MYH11: variants seen among roughly 807,000 people sequenced by gnomAD.
MYH11 encodes myosin-11.
MYH11 carries 80 observed loss-of-function variants against 246.6 expected under a neutral mutation model. The ratio of observed to expected loss-of-function variants is 0.32; its 90% CI spans 0.27 to 0.39. The LOEUF is 0.39. Ranked by LOEUF, MYH11 falls within the 10% of genes least tolerant of loss-of-function variation. The probability of loss-of-function intolerance (pLI) is 1.00; values close to 1 mark genes in which losing one functional copy is unlikely to be tolerated. For synonymous variants in MYH11, 1,071 were observed against 1,015.5 expected, an observed-to-expected ratio of 1.05 and a Z score of -1.04; for missense variants, 2,158 against 2,546.8, an observed-to-expected ratio of 0.85 and a Z score of 3.29.
At chr16:15,784,581 G>A (rs2042425407) in intron 5 of MYH11, 1 of 1,085,310 alleles carries the variant, frequency 9.2e-7, no homozygotes, top group Admixed American at 2.2e-5. Flanking sequence ...TGAAACTCTA[G>A]GGCCTACCCC....
At chr16:15,731,632 C>T (rs1478958144) in intron 27 of MYH11, among the ~76,000 whole-genome samples, 3 of 151,862 alleles carry the variant, frequency 2.0e-5, no homozygotes, top group Non-Finnish European at 2.9e-5. Flanking sequence ...GCTAAGATTA[C>T]AGGCACATGC....
intron 2 of MYH11, among the ~76,000 whole-genome samples, chr16:15,828,542 C>T (rs2043632774): frequency 6.6e-6 from 1 of 152,292 alleles, no homozygotes; most frequent in East Asian, 1.9e-4. Context: ...GCTGTAATCC[C>T]AGCACTTCGG....
At chr16:15,841,405 A>C (rs6498583) in intron 1 of MYH11, among the ~76,000 whole-genome samples, 2 of 152,166 alleles carry the variant, frequency 1.3e-5, no homozygotes, top group Non-Finnish European at 2.9e-5. Flanking sequence ...CTCAAAGTGA[A>C]GGGATTACAG....
chr16:15,767,115 G>C (rs1182006344), intron 9 of MYH11, among the ~76,000 whole-genome samples: 3 of 152,142 alleles, frequency 2.0e-5, no homozygotes, highest in Non-Finnish European at 2.9e-5. Flanking sequence ...TATAGAGGAT[G>C]GGTTCATGGA....
At chr16:15,735,135 C>T (rs1433141158) in intron 26 of MYH11, among the ~76,000 whole-genome samples, 2 of 144,962 alleles carry the variant, frequency 1.4e-5, no homozygotes, top group Non-Finnish European at 3.0e-5. Context: ...GCCAAGATGG[C>T]ACAACTGCAC....
At chr16:15,800,597 T>TTGCA (rs1555454016) in intron 3 of MYH11, among the ~76,000 whole-genome samples, 164 of 143,198 alleles carry the variant, frequency 1.1e-3, no homozygotes, top group African/African-American at 1.2e-3. Flanking sequence ...GGTAAATGAG[T>TTGCA]TGGATGGATG....
At chr16:15,783,695 C>A (rs570736203) in intron 5 of MYH11, among the ~76,000 whole-genome samples, 21 of 152,234 alleles carry the variant, frequency 1.4e-4, no homozygotes, top group African/African-American at 5.1e-4. Context: ...GGTCTCCATG[C>A]TCTCTGAAAA....
At chr16:15,732,820 C>T in intron 26 of MYH11, 112 bp from the exon 27 acceptor site, 2 of 1,316,342 alleles carry the variant, frequency 1.5e-6, no homozygotes, top group East Asian at 2.4e-5. Flanking sequence ...TCCTCATCAC[C>T]ACCCCTCTCT....
intron 1 of MYH11, among the ~76,000 whole-genome samples, chr16:15,843,396 A>G (rs1013785473): frequency 1.3e-5 from 2 of 150,910 alleles, no homozygotes; most frequent in African/African-American, 2.4e-5. Context: ...AAGAAAGAAG[A>G]AAGGAAGGAA....
intron 3 of MYH11, among the ~76,000 whole-genome samples, 185 bp downstream of exon 3, chr16:15,823,070 G>A (rs917855446): frequency 6.6e-6 from 1 of 152,248 alleles, no homozygotes; most frequent in African/African-American, 2.4e-5. Context: ...CCAAGCTCTT[G>A]GCTCTCCCTC....
Position 15,731,291 on chromosome 16 carries a change from GGGGTCTA to G in MYH11, c.3651+1266_3651+1272del, listed in dbSNP as rs1488642214. ...TTCAGTCCTGTAGAGGCCAGAAAGT[GGGGTCTA>G]GGACCAGACTGTTTGGGTGCAAATC... is the stretch of plus-strand genomic sequence containing the variant. On this transcript the variant is annotated intron_variant, in intron 27 of 40. Coordinates refer to ENST00000300036, the MANE Select transcript of MYH11 (RefSeq NM_002474.3). Among the ~76,000 whole-genome samples the G allele has an allele frequency of 5.9e-5, 9 of 152,228 alleles. No homozygotes were observed. In the South Asian group the frequency reaches 1.7e-3, roughly 28 times the overall value.
chr16:15,765,660 AC>A (rs200864546), intron 9 of MYH11, among the ~76,000 whole-genome samples: 6,218 of 152,184 alleles, frequency 0.041, 169 homozygotes, highest in East Asian at 0.12. Flanking sequence ...GCCCTTCACA[AC>A]AGCTATTCTC....
chr16:15,727,155 A>G (rs2040807119), intron 27 of MYH11, 101 bp from the exon 28 acceptor site: 1 of 1,012,154 alleles, frequency 9.9e-7, no homozygotes, highest in Admixed American at 1.8e-5. Flanking sequence ...AGGAAGGCAC[A>G]CAACAGGGGG....
chr16:15,759,818 C>A, intron 11 of MYH11, 90 bp from the exon 12 acceptor site: 4 of 1,520,378 alleles, frequency 2.6e-6, no homozygotes, highest in Non-Finnish European at 3.6e-6. Context: ...TTATTCTTGG[C>A]CGGGTGCAGT....
rs1354805868 is a variant in MYH11 at position 15,724,889 on chromosome 16, T to C, written c.3962A>G (p.Gln1321Arg). 6.2e-7 allele frequency: 1 copy of C among 1,614,066 alleles called. No individual in the cohort carries two copies. ...TGGATGATGTGGCAGGACACTCACC[T>C]GGGTGTCCTGGAGCTGGGAACTGAG... ...ASLSSQLQDT[Q>R]ELLQEETRQK... Residue 1321 changes from glutamine to arginine, a missense_variant and splice_region_variant, in exon 29 of 41, where the codon CAG becomes CGG. By Grantham distance (43) the Gln-to-Arg change is conservative (BLOSUM62 1). This residue lies in a region of MYH11 where 1,013 missense variants were observed against 993.5 expected (regional missense o/e 1.02). Coordinates refer to ENST00000300036, the MANE Select transcript of MYH11 (RefSeq NM_002474.3).
At chr16:15,769,418 T>C (rs1190670909) in intron 9 of MYH11, among the ~76,000 whole-genome samples, 1 of 152,268 alleles carries the variant, frequency 6.6e-6, no homozygotes, top group East Asian at 1.9e-4. Context: ...GAGGACTGCT[T>C]GAGCCTGCAA....
In MYH11 at chr16:15,754,345, C is replaced by T. The variant is rs540269328; in HGVS notation, c.1750-837G>A. On this transcript the variant is annotated intron_variant, in intron 14 of 40. Transcript: ENST00000300036. The stretch of plus-strand genomic sequence containing the variant: ...AAAGGACATATAGGCTTTTTACATT[C>T]CTGACTCAAACAATGACAATGCCCA... 2.5e-3 allele frequency among the ~76,000 whole-genome samples: 380 copies of T among 152,238 alleles called. 1 individual carries two copies. Among genetic ancestry groups the T allele is most frequent in the Non-Finnish European group, 3.8e-3 (258 of 68,016 alleles).
chr16:15,710,790 G>A (rs1462890116), intron 40 of MYH11, among the ~76,000 whole-genome samples: 1 of 151,972 alleles, frequency 6.6e-6, no homozygotes, highest in Non-Finnish European at 1.5e-5. Context: ...GGAGTGTCCT[G>A]TCTCAGCCTC....
chr16:15,837,394 G>T (rs115648541), intron 2 of MYH11, among the ~76,000 whole-genome samples: 1,975 of 152,254 alleles, frequency 0.013, 50 homozygotes, highest in African/African-American at 0.042. Flanking sequence ...TGTAATGAGG[G>T]TGATTATTCC....
Sources: gnomAD v4.1 joint callset for allele counts (sites outside exome capture counted in the v4.1 genomes callset) on GRCh38, gnomAD v4.1.1 for gene constraint, gnomAD v4.1.1 regional missense constraint, MANE v1.5 for transcripts, NCBI Gene and HGNC (gene_info 2026-07-23, HGNC 2026-07-21) for gene names.